Variants in SFXN1 observed in about 807,000 individuals in gnomAD.
SFXN1 encodes sideroflexin 1.
In SFXN1, 32 loss-of-function variants were observed where a neutral mutation model predicts 39.5. The ratio of observed to expected loss-of-function variants is 0.81; its 90% CI spans 0.61 to 1.09. The LOEUF (loss-of-function observed/expected upper bound fraction) is 1.09, where lower values mean the gene tolerates loss of function less well. Among genes scored for constraint, SFXN1 ranks in the 50% least tolerant of loss-of-function variants. The probability of loss-of-function intolerance (pLI) is 0.00; values close to 1 mark genes in which losing one functional copy is unlikely to be tolerated. For synonymous variants in SFXN1, 136 were observed against 146.5 expected (o/e 0.93, Z 0.52); for missense variants, 402 against 407.1 (o/e 0.99, Z 0.11).
In SFXN1 at chr5:175,512,132, C is replaced by T. The variant is rs554635651; in HGVS notation, c.532C>T (p.Arg178Cys). Residue 178 changes from arginine to cysteine, a missense_variant, in exon 6 of 11, where the codon CGT (arginine) becomes TGT (cysteine). Coordinates refer to ENST00000321442, the MANE Select transcript of SFXN1 (RefSeq NM_022754.7). The part of the protein sequence containing the change: ...LTKHVSPLIG[R>C]FVPFAAVAAA... ...GCAGCATGTCTCACCACTGATAGGA[C>T]GTTTTGTTCCCTTTGCTGCCGTAGC... is the stretch of plus-strand genomic sequence containing the variant. 2.7e-5 allele frequency: 43 copies of T among 1,614,066 alleles called. No individual in the cohort carries two copies. The highest frequency in any genetic ancestry group is 6.7e-5 in the East Asian group (3 of 44,882).
At chr5:175,516,035 A>G (rs75187477) in intron 7 of SFXN1, among the ~76,000 whole-genome samples, 21,653 of 149,468 alleles carry the variant, frequency 0.14, 1,658 homozygotes, top group African/African-American at 0.2. Context: ...TGAGAATGTA[A>G]TGCGGTCGCT....
chr5:175,485,239 T>C (rs1417341187), intron 1 of SFXN1, among the ~76,000 whole-genome samples: 1 of 152,250 alleles, frequency 6.6e-6, no homozygotes, highest in Non-Finnish European at 1.5e-5. Flanking sequence ...AACAGTGTTG[T>C]ATTCATTTCC....
At chr5:175,489,942 A>G (rs1434791728) in intron 1 of SFXN1, among the ~76,000 whole-genome samples, 1 of 152,048 alleles carries the variant, frequency 6.6e-6, no homozygotes, top group Non-Finnish European at 1.5e-5. Flanking sequence ...CCCGGTGGAG[A>G]TCTGATAGAG....
chr5:175,501,576 TATA>T, intron 2 of SFXN1, among the ~76,000 whole-genome samples: 1 of 152,296 alleles, frequency 6.6e-6, no homozygotes, highest in South Asian at 2.1e-4. Flanking sequence ...ATCCAGAAGA[TATA>T]AAGAACTCTT....
chr5:175,501,090 A>G (rs968838752), intron 2 of SFXN1, among the ~76,000 whole-genome samples: 2 of 123,878 alleles, frequency 1.6e-5, no homozygotes, highest in Non-Finnish European at 3.1e-5. Context: ...TTTTTTTGAG[A>G]CAGAGTCTCG....
intron 10 of SFXN1, chr5:175,522,661 G>C: frequency 2.2e-6 from 1 of 448,850 alleles, no homozygotes; most frequent in South Asian, 3.6e-5. Context: ...TTATTCTTTT[G>C]TGAGAATCAG....
intron 10 of SFXN1, among the ~76,000 whole-genome samples, chr5:175,525,428 G>A (rs981778601): frequency 3.3e-5 from 5 of 152,084 alleles, no homozygotes; most frequent in African/African-American, 9.7e-5. Context: ...CATCAGTGTC[G>A]TCATCATCAT....
At chr5:175,525,183 A>G (rs1761020705) in intron 10 of SFXN1, among the ~76,000 whole-genome samples, 1 of 152,242 alleles carries the variant, frequency 6.6e-6, no homozygotes, top group African/African-American at 2.4e-5. Flanking sequence ...GGCCTTTAAC[A>G]TACATTCATA....
intron 2 of SFXN1, among the ~76,000 whole-genome samples, chr5:175,505,391 G>C (rs1477815213): frequency 2.0e-5 from 3 of 151,164 alleles, no homozygotes; most frequent in African/African-American, 7.3e-5. Flanking sequence ...AAAAAAAAAA[G>C]CTGAATGTGG....
At chr5:175,517,992 C>T (rs766391390) in intron 8 of SFXN1, among the ~76,000 whole-genome samples, 6 of 152,204 alleles carry the variant, frequency 3.9e-5, no homozygotes, top group South Asian at 2.1e-4. Context: ...CTTTTTTAAA[C>T]GGTGATGCTT....
chr5:175,489,522 T>C (rs1759579821), intron 1 of SFXN1, among the ~76,000 whole-genome samples: 1 of 152,208 alleles, frequency 6.6e-6, no homozygotes, highest in Non-Finnish European at 1.5e-5. Flanking sequence ...CTTGATATAT[T>C]CTAATTCAAA....
intron 6 of SFXN1, 110 bp from the exon 7 acceptor site, chr5:175,513,353 T>G: frequency 1.0e-6 from 1 of 1,003,348 alleles, no homozygotes; most frequent in Non-Finnish European, 1.4e-6. Context: ...AAATGACACT[T>G]GAGTGGGTAT....
intron 2 of SFXN1, among the ~76,000 whole-genome samples, chr5:175,496,026 G>C (rs568933867): frequency 8.2e-5 from 12 of 146,398 alleles, no homozygotes; most frequent in African/African-American, 2.8e-4. Context: ...TCAGCCTCCC[G>C]AGTAGCTGGG....
intron 1 of SFXN1, among the ~76,000 whole-genome samples, chr5:175,480,670 A>G (rs1295312719): frequency 6.6e-6 from 1 of 152,246 alleles, no homozygotes; most frequent in Non-Finnish European, 1.5e-5. Context: ...CTGGCAGGGA[A>G]TATCCCTTCC....
chr5:175,524,125 A>AATATATATAT (rs771042074), intron 10 of SFXN1: 8 of 32,496 alleles, frequency 2.5e-4, no homozygotes, highest in African/African-American at 1.0e-3. Flanking sequence ...AAAAAAAAAA[A>AATATATATAT]ATATATATAT....
intron 2 of SFXN1, among the ~76,000 whole-genome samples, chr5:175,505,980 C>G (rs1399810627): frequency 6.6e-6 from 1 of 152,116 alleles, no homozygotes; most frequent in Non-Finnish European, 1.5e-5. Flanking sequence ...CCATGCCCAG[C>G]TAAGTTTTAT....
intron 1 of SFXN1, among the ~76,000 whole-genome samples, chr5:175,483,367 C>G (rs1385748408): frequency 6.6e-6 from 1 of 152,116 alleles, no homozygotes; most frequent in East Asian, 1.9e-4. Flanking sequence ...ACTTTTTTCT[C>G]ATACCCCACC....
In SFXN1 at chr5:175,526,845, A is replaced by G; in HGVS notation, c.*111A>G. 3 of 872,994 alleles carry G rather than the reference A, an allele frequency of 3.4e-6. No individual in the cohort carries two copies. Among genetic ancestry groups the G allele is most frequent in the Non-Finnish European group, 5.6e-6 (3 of 532,470 alleles). The allele number at this position is 872,994 out of a possible 1,614,324, so 54.1% of individuals were successfully genotyped here. A position where few individuals can be genotyped will look rare whatever the true frequency, so the allele number is the denominator to read the frequency against. Reference sequence around the variant, plus strand: ...TTCTCCCAGTTACGGAAACCTTTTAAAGATCCACATTAGCCTTTTAGAATA... The same window carrying G: ...TTCTCCCAGTTACGGAAACCTTTTAGAGATCCACATTAGCCTTTTAGAATA... On this transcript the variant is annotated 3_prime_UTR_variant, in exon 11 of 11. Transcript: ENST00000321442.
intron 1 of SFXN1, among the ~76,000 whole-genome samples, chr5:175,480,293 C>T (rs1306882207): frequency 6.6e-6 from 1 of 151,980 alleles, no homozygotes; most frequent in Admixed American, 6.6e-5. Flanking sequence ...CCCAGCTACT[C>T]GGGAGGCTGA....
Sources: allele counts gnomAD v4.1 joint callset (sites outside exome capture counted in the v4.1 genomes callset), GRCh38; gene constraint gnomAD v4.1.1; transcripts MANE v1.5; gene names NCBI Gene and HGNC (gene_info 2026-07-23, HGNC 2026-07-21).